Variants in KCNJ10 observed in about 807,000 individuals in gnomAD.
KCNJ10 encodes potassium inwardly rectifying channel subfamily J member 10.
Under a neutral mutation model 22.2 loss-of-function variants are expected in KCNJ10, and 9 were observed. That is an observed-to-expected ratio of 0.40 (90% CI 0.24 to 0.71). The LOEUF is 0.71. Among genes scored for constraint, KCNJ10 ranks in the 30% least tolerant of loss-of-function variants. The pLI, the probability that KCNJ10 is intolerant of heterozygous loss-of-function variation, is 0.35. For missense variants in KCNJ10, 337 were observed against 482.7 expected, an observed-to-expected ratio of 0.70 and a Z score of 2.83; for synonymous variants, 184 against 187.3, an observed-to-expected ratio of 0.98 and a Z score of 0.15.
chr1:160,048,269 A>G (rs1648796133), intron 1 of KCNJ10, among the ~76,000 whole-genome samples: 1 of 78,716 alleles, frequency 1.3e-5, no homozygotes, highest in Non-Finnish European at 2.6e-5. Context: ...CTTCAGGAGG[A>G]GCCACTTCAG....
At chr1:160,062,335 G>T (rs1461840542) in intron 1 of KCNJ10, among the ~76,000 whole-genome samples, 2 of 152,212 alleles carry the variant, frequency 1.3e-5, no homozygotes, top group Non-Finnish European at 2.9e-5. Flanking sequence ...CATTGTGCCT[G>T]CCCCGGAGCC....
At chr1:160,051,692 G>A (rs369576936) in intron 1 of KCNJ10, among the ~76,000 whole-genome samples, 3 of 152,092 alleles carry the variant, frequency 2.0e-5, no homozygotes, top group Admixed American at 6.5e-5. Flanking sequence ...GGTTGGAGGC[G>A]ACGCCCTTCC....
chr1:160,057,918 A>G (rs1333421256), intron 1 of KCNJ10, among the ~76,000 whole-genome samples: 1 of 152,008 alleles, frequency 6.6e-6, no homozygotes, highest in Non-Finnish European at 1.5e-5. Context: ...GGAGGGCCCA[A>G]GAGGTAGTGG....
Position 160,038,334 on chromosome 1 carries a change from G to A in KCNJ10, c.*3059C>T, listed in dbSNP as rs550462509. On this transcript the variant is annotated 3_prime_UTR_variant, in exon 2 of 2. Transcript: ENST00000644903. ...ACGCTGCTGGGGATGGGGACACACA[G>A]TGTAAGTGGTAGATTTTCCAAGACT... 6.6e-6 allele frequency: 1 copy of A among 152,358 alleles called. No individual in the cohort carries two copies. Among genetic ancestry groups the A allele is most frequent in the South Asian group, 2.1e-4 (1 of 4,822 alleles). 9.4% of individuals were successfully genotyped at this position (152,358 alleles called of 1,614,324 possible).
chr1:160,050,394 A>G (rs1648874511), intron 1 of KCNJ10, among the ~76,000 whole-genome samples: 1 of 151,690 alleles, frequency 6.6e-6, no homozygotes, highest in African/African-American at 2.4e-5. Context: ...CAGCCTCCCT[A>G]AATGCAGAGA....
rs527796277 is a variant in KCNJ10 at position 160,065,833 on chromosome 1, C to T, written c.-1+4189G>A. Among the ~76,000 whole-genome samples the T allele has an allele frequency of 1.8e-4, 27 of 152,134 alleles. 1 individual carries two copies. The highest frequency in any genetic ancestry group is 5.5e-4 in the African/African-American group (23 of 41,478). On this transcript the variant is annotated intron_variant, in intron 1 of 1. Transcript: ENST00000644903. ...AACTGATGCTTCATGATGACAATTC[C>T]AGTGATAATTTCATTATAGGGTAAC...
chr1:160,049,720 T>TATATATATATATATATAA (rs1201390198), intron 1 of KCNJ10, among the ~76,000 whole-genome samples: 1 of 122,944 alleles, frequency 8.1e-6, no homozygotes, highest in Admixed American at 8.7e-5. Flanking sequence ...TATATATATA[T>TATATATATATATATATAA]GTTATCCTAA....
intron 1 of KCNJ10, among the ~76,000 whole-genome samples, chr1:160,062,069 A>C (rs1194986838): frequency 6.6e-6 from 1 of 151,162 alleles, no homozygotes; most frequent in Non-Finnish European, 1.5e-5. Context: ...CTGCATTCCA[A>C]CTCCTCCACA....
At chr1:160,068,504 G>T (rs111385604) in intron 1 of KCNJ10, among the ~76,000 whole-genome samples, 1 of 152,216 alleles carries the variant, frequency 6.6e-6, no homozygotes, top group South Asian at 2.1e-4. Context: ...AGGACTGGGG[G>T]AAGGCAGCGG....
intron 1 of KCNJ10, among the ~76,000 whole-genome samples, chr1:160,059,564 C>T (rs998954954): frequency 5.9e-5 from 9 of 152,228 alleles, no homozygotes; most frequent in Non-Finnish European, 1.0e-4. Flanking sequence ...CCATTATCTT[C>T]AATCTGGGCC....
intron 1 of KCNJ10, among the ~76,000 whole-genome samples, chr1:160,063,168 TC>T (rs1486504466): frequency 6.6e-6 from 1 of 152,188 alleles, no homozygotes; most frequent in African/African-American, 2.4e-5. Context: ...GGCACCCCTA[TC>T]CTCATTAATG....
At chr1:160,056,998 T>A (rs1319130792) in intron 1 of KCNJ10, among the ~76,000 whole-genome samples, 1 of 152,214 alleles carries the variant, frequency 6.6e-6, no homozygotes, top group African/African-American at 2.4e-5. Flanking sequence ...TCCCTATGTA[T>A]TCTCCTTTCC....
At chr1:160,068,254 A>G (rs1481056962) in intron 1 of KCNJ10, among the ~76,000 whole-genome samples, 4 of 149,666 alleles carry the variant, frequency 2.7e-5, no homozygotes, top group African/African-American at 9.9e-5. Flanking sequence ...GGCTGGAACC[A>G]TAACCCTGCT....
intron 1 of KCNJ10, among the ~76,000 whole-genome samples, chr1:160,057,668 T>C (rs1171468734): frequency 6.6e-6 from 1 of 152,160 alleles, no homozygotes; most frequent in African/African-American, 2.4e-5. Flanking sequence ...GGAGATAATG[T>C]TCTTGGGCTG....
intron 1 of KCNJ10, among the ~76,000 whole-genome samples, chr1:160,047,674 C>T (rs999409405): frequency 6.6e-6 from 1 of 152,212 alleles, no homozygotes; most frequent in Admixed American, 6.5e-5. Flanking sequence ...TCTGTCCCTC[C>T]CATCCCTGCC....
intron 1 of KCNJ10, among the ~76,000 whole-genome samples, chr1:160,069,480 G>A (rs1649401163): frequency 6.6e-6 from 1 of 152,302 alleles, no homozygotes; most frequent in East Asian, 1.9e-4. Flanking sequence ...ATAGAAGGAA[G>A]AGATTGGGTG....
intron 1 of KCNJ10, among the ~76,000 whole-genome samples, chr1:160,054,908 G>C (rs901084319): frequency 4.9e-4 from 74 of 152,192 alleles, no homozygotes; most frequent in African/African-American, 1.8e-3. Context: ...AGTGGTGGAG[G>C]TGAAAGGGAA....
rs1417569647 is a variant in KCNJ10 at position 160,042,236 on chromosome 1, C to G, written c.297G>C (p.Leu99=). 1 of 1,613,952 alleles carries G rather than the reference C, an allele frequency of 6.2e-7. No individual in the cohort carries two copies. Among genetic ancestry groups the G allele is most frequent in the Non-Finnish European group, 8.5e-7 (1 of 1,179,860 alleles). The part of the protein sequence containing the change: ...VAVAHGDLLE[L]DPPANHTPCV... ...AGGGGGTGTGGTTGGCCGGGGGGTC[C>G]AGCTCCAGCAGGTCCCCATGTGCCA... The change falls in exon 2 of 2, where the codon CTG becomes CTC. Residue 99 remains leucine, a synonymous_variant. Transcript: ENST00000644903.
intron 1 of KCNJ10, among the ~76,000 whole-genome samples, chr1:160,062,012 G>A (rs1021442516): frequency 6.6e-6 from 1 of 152,032 alleles, no homozygotes; most frequent in African/African-American, 2.4e-5. Flanking sequence ...GAACCGAGAA[G>A]TGGGCAGGCT....
Sources: allele counts gnomAD v4.1 joint callset (sites outside exome capture counted in the v4.1 genomes callset), GRCh38; gene constraint gnomAD v4.1.1; transcripts MANE v1.5; gene names NCBI Gene and HGNC (gene_info 2026-07-23, HGNC 2026-07-21).